Variants in ATF7IP observed in about 807,000 individuals in gnomAD.
ATF7IP encodes activating transcription factor 7 interacting protein.
In ATF7IP, 23 loss-of-function variants were observed where a neutral mutation model predicts 106.4. The ratio of observed to expected loss-of-function variants is 0.22; its 90% CI spans 0.16 to 0.31. The LOEUF (loss-of-function observed/expected upper bound fraction) is 0.31, where lower values mean the gene tolerates loss of function less well. ATF7IP is among the 10% of genes least tolerant of loss of function. ATF7IP has a pLI of 1.00. For missense variants in ATF7IP, 1,334 were observed against 1,524.3 expected (o/e 0.88, Z 2.08); for synonymous variants, 542 against 539.0 (o/e 1.01, Z -0.08).
intron 13 of ATF7IP, among the ~76,000 whole-genome samples, chr12:14,493,174 G>A (rs1000313453): frequency 3.9e-5 from 6 of 152,128 alleles, no homozygotes; most frequent in African/African-American, 1.4e-4. Flanking sequence ...TCCCTACTTA[G>A]TGGGCCCAAA....
intron 1 of ATF7IP, chr12:14,419,032 A>T (rs1160025600): frequency 1.3e-5 from 2 of 152,158 alleles, no homozygotes; most frequent in Non-Finnish European, 2.9e-5. Context: ...TATCCTGAAT[A>T]TTTAGTTTAT....
intron 1 of ATF7IP, among the ~76,000 whole-genome samples, chr12:14,415,127 A>G (rs1941134948): frequency 6.6e-6 from 1 of 151,500 alleles, no homozygotes; most frequent in African/African-American, 2.4e-5. Flanking sequence ...CTGTAACTTC[A>G]CTCCTTATCT....
At chr12:14,486,733 C>G (rs189852894) in intron 13 of ATF7IP, among the ~76,000 whole-genome samples, 22 of 152,320 alleles carry the variant, frequency 1.4e-4, no homozygotes, top group Admixed American at 1.2e-3. Context: ...GCTACGCCCA[C>G]CTTGCCTTTG....
At chr12:14,414,345 T>C (rs537200016) in intron 1 of ATF7IP, among the ~76,000 whole-genome samples, 26 of 152,348 alleles carry the variant, frequency 1.7e-4, no homozygotes, top group African/African-American at 5.1e-4. Context: ...ATGTACACCA[T>C]GTCTAAGCAA....
intron 11 of ATF7IP, among the ~76,000 whole-genome samples, chr12:14,477,736 G>A (rs1944306583): frequency 6.6e-6 from 1 of 152,140 alleles, no homozygotes; most frequent in African/African-American, 2.4e-5. Flanking sequence ...GGATTATTTT[G>A]GATAGAAGGA....
chr12:14,476,240 C>T (rs1017708630), intron 11 of ATF7IP: 15 of 252,346 alleles, frequency 5.9e-5, no homozygotes, highest in Middle Eastern at 1.3e-3. Flanking sequence ...GGTGAAACCC[C>T]GTCTCTATAA....
chr12:14,484,174 C>T (rs1270811311), intron 13 of ATF7IP, among the ~76,000 whole-genome samples: 7 of 152,102 alleles, frequency 4.6e-5, no homozygotes, highest in Non-Finnish European at 1.0e-4. Context: ...ATTGGGCACT[C>T]AGCAATGGCC....
intron 2 of ATF7IP, among the ~76,000 whole-genome samples, chr12:14,432,982 C>T (rs1359246444): frequency 6.6e-6 from 1 of 152,094 alleles, no homozygotes; most frequent in African/African-American, 2.4e-5. Context: ...TTTGGTACCT[C>T]TTGGATTTTA....
Position 14,480,950 on chromosome 12 carries a change from T to C in ATF7IP, c.3098-53T>C, listed in dbSNP as rs186843852. The C allele has an allele frequency of 6.4e-4, 979 of 1,526,234 alleles. 1 individual carries two copies. The highest frequency in any genetic ancestry group is 8.2e-4 in the Non-Finnish European group (914 of 1,114,030). 94.5% of individuals were successfully genotyped at this position (1,526,234 alleles called of 1,614,324 possible). On this transcript the variant is annotated intron_variant, in intron 12 of 14. Coordinates refer to ENST00000261168, the MANE Select transcript of ATF7IP (RefSeq NM_018179.5). ...AAGATAACTGCCATTTAATACTGTT[T>C]GCTTAACGTAGAATTTACTGTATTC...
chr12:14,439,507 C>T (rs1942591235), intron 5 of ATF7IP, among the ~76,000 whole-genome samples: 2 of 152,246 alleles, frequency 1.3e-5, no homozygotes, highest in South Asian at 4.2e-4. Context: ...ATCACACCCA[C>T]GGGTGCAACT....
intron 5 of ATF7IP, among the ~76,000 whole-genome samples, chr12:14,443,609 T>G (rs186852179): frequency 2.4e-4 from 37 of 152,336 alleles, no homozygotes; most frequent in Admixed American, 6.5e-4. Flanking sequence ...AGAAACCTGT[T>G]GTAAATATCA....
intron 13 of ATF7IP, among the ~76,000 whole-genome samples, chr12:14,495,742 G>C (rs1360042181): frequency 1.3e-5 from 2 of 152,156 alleles, no homozygotes; most frequent in Non-Finnish European, 2.9e-5. Flanking sequence ...TTCTGTCCTG[G>C]TTGAAAAGAT....
At position 14,478,330 on chromosome 12, in the gene ATF7IP, A is replaced by G; in HGVS notation, c.2955A>G (p.Leu985=). ...ESGASQDPKK[L]NHTPVSTMSS... is the part of the protein sequence containing the mutation. ...TTTAACTAACAGACCCCAAAAAACT[A>G]AATCACACTCCTGTATCAACCATGA... is the stretch of plus-strand genomic sequence containing the variant. Residue 985 remains leucine, a synonymous_variant, in exon 12 of 15, where the codon CTA becomes CTG. Coordinates refer to ENST00000261168, the MANE Select transcript of ATF7IP (RefSeq NM_018179.5). 6.2e-7 allele frequency: 1 copy of G among 1,613,834 alleles called. No individual in the cohort carries two copies. The highest frequency in any genetic ancestry group is 1.1e-5 in the South Asian group (1 of 91,062).
intron 10 of ATF7IP, 116 bp downstream of exon 10, chr12:14,466,706 C>A: frequency 1.3e-6 from 1 of 782,660 alleles, no homozygotes; most frequent in South Asian, 1.8e-5. Context: ...TTATAACTAT[C>A]CAAACATTGT....
intron 1 of ATF7IP, among the ~76,000 whole-genome samples, chr12:14,376,986 GTTTA>G (rs1241211322): frequency 6.6e-6 from 1 of 151,628 alleles, no homozygotes; most frequent in Non-Finnish European, 1.5e-5. Flanking sequence ...GGAAATTTGT[GTTTA>G]TTTATTTGTT....
intron 1 of ATF7IP, chr12:14,419,403 A>G (rs1403274300): frequency 6.6e-6 from 1 of 152,160 alleles, no homozygotes; most frequent in Non-Finnish European, 1.5e-5. Flanking sequence ...AAAGTTATGA[A>G]TTTTTTAAAA....
intron 6 of ATF7IP, among the ~76,000 whole-genome samples, chr12:14,455,390 G>A (rs182386191): frequency 1.3e-5 from 2 of 151,920 alleles, no homozygotes; most frequent in Admixed American, 6.6e-5. Context: ...CCCTCTACAC[G>A]TATCTAATGC....
At position 14,424,035 on chromosome 12, in the gene ATF7IP, T is replaced by A. The variant is rs765740134; in HGVS notation, c.120T>A (p.Asp40Glu). Reference protein sequence around the residue: ...YKVKEELLKTDVKLLNGNHEN... With the variant: ...YKVKEELLKTEVKLLNGNHEN... ...TCAAAGAAGAACTGTTGAAAACTGA[T>A]GTCAAGCTGTTAAATGGCAACCATG... The change falls in exon 2 of 15, where the codon GAT becomes GAA. Residue 40 changes from aspartate to glutamate, a missense_variant. Physicochemically the swap from Asp to Glu is conservative, Grantham distance 45 (BLOSUM62 2). Transcript: ENST00000261168. 1.2e-6 allele frequency: 2 copies of A among 1,614,202 alleles called. No homozygotes were observed. Among genetic ancestry groups the A allele is most frequent in the Non-Finnish European group, 1.7e-6 (2 of 1,180,032 alleles).
At chr12:14,466,467 G>A in intron 9 of ATF7IP, 59 bp from the exon 10 acceptor site, 1 of 1,361,694 alleles carries the variant, frequency 7.3e-7, no homozygotes. Flanking sequence ...TTCATATAAA[G>A]CAACTTAACT....
Sources: allele counts gnomAD v4.1 joint callset (sites outside exome capture counted in the v4.1 genomes callset), GRCh38; gene constraint gnomAD v4.1.1; transcripts MANE v1.5; gene names NCBI Gene and HGNC (gene_info 2026-07-23, HGNC 2026-07-21).